The following DSC3 variants were observed in gnomAD, a reference collection of about 807,000 sequenced individuals.
DSC3 encodes the protein desmocollin 3.
A neutral mutation model predicts 89.5 loss-of-function variants in DSC3; 97 were observed. The ratio of observed to expected loss-of-function variants is 1.08; its 90% confidence interval spans 0.92 to 1.28. DSC3 has a LOEUF of 1.28. Among genes scored for constraint, DSC3 ranks in the 50% most tolerant of loss-of-function variants. The pLI is 0.00. For synonymous variants in DSC3, 436 were observed against 384.1 expected, an observed-to-expected ratio of 1.14 and a Z score of -1.58; for missense variants, 1,199 against 1,085.3, an observed-to-expected ratio of 1.10 and a Z score of -1.47.
intron 9 of DSC3, among the ~76,000 whole-genome samples, chr18:31,009,243 G>C (rs1216889554): frequency 7.5e-6 from 1 of 134,022 alleles, no homozygotes; most frequent in Non-Finnish European, 1.6e-5. Flanking sequence ...CTTTAGTAAA[G>C]ATGGGGTTCT....
chr18:31,004,308 A>C lies in DSC3; in HGVS notation c.1947T>G (p.Pro649=). The C allele has an allele frequency of 6.2e-7, 1 of 1,614,062 alleles. No individual in the cohort carries two copies. The change falls in exon 13 of 16, where the codon CCT becomes CCG. Residue 649 remains proline (P), a synonymous_variant. Transcript: ENST00000360428. The part of the protein sequence containing the change: ...KNAGFQEYTI[P]ITVKDRAGQA... Reference sequence around the variant, plus strand: ...GGCCGGCCCTGTCTTTTACAGTAATAGGAATGGTATATTCTTGAAATCCAG... The same window carrying C: ...GGCCGGCCCTGTCTTTTACAGTAATCGGAATGGTATATTCTTGAAATCCAG...
Position 30,994,226 on chromosome 18 carries a change from A to T in DSC3, c.2640T>A (p.Asn880Lys). The part of the protein sequence containing the change: ...KQEEDGLDFL[N>K]NLEPKFITLA... ...ATGTAATAAATTTGGGTTCCAAATT[A>T]TTTAAAAAGTCAAGGCCATCTTCTT... Residue 880 changes from asparagine (N) to lysine (K), a missense_variant, in exon 16 of 16, where the codon AAT becomes AAA. Transcript: ENST00000360428. 1 of 1,614,104 alleles carries T rather than the reference A, an allele frequency of 6.2e-7. No homozygotes were observed. Among genetic ancestry groups the T allele is most frequent in the Non-Finnish European group, 8.5e-7 (1 of 1,179,992 alleles).
intron 6 of DSC3, 146 bp from the exon 7 acceptor site, chr18:31,022,648 A>G (rs1985463861): frequency 2.9e-6 from 3 of 1,025,346 alleles, no homozygotes; most frequent in African/African-American, 1.6e-5. Context: ...TCATCTTTAG[A>G]TAGGACTGAA....
At chr18:31,011,111 TAG>T (rs1985042541) in intron 9 of DSC3, among the ~76,000 whole-genome samples, 1 of 152,200 alleles carries the variant, frequency 6.6e-6, no homozygotes, top group South Asian at 2.1e-4. Context: ...AGCGTATAGT[TAG>T]AGTCAAAGAG....
intron 4 of DSC3, among the ~76,000 whole-genome samples, chr18:31,026,262 A>G (rs1985595853): frequency 7.1e-6 from 1 of 140,870 alleles, no homozygotes; most frequent in Non-Finnish European, 1.6e-5. Context: ...AGCCACTGTG[A>G]TTGGAGTAGA....
chr18:31,032,167 TA>T, intron 2 of DSC3, 24 bp downstream of exon 2: 1 of 1,554,896 alleles, frequency 6.4e-7, no homozygotes, highest in Non-Finnish European at 8.9e-7. Flanking sequence ...ATTTCTGCTT[TA>T]AAAAGACTTT....
Position 30,994,341 on chromosome 18 carries a change from C to G in DSC3, c.2525G>C (p.Arg842Pro). 6.2e-7 allele frequency: 1 copy of G among 1,614,002 alleles called. No homozygotes were observed. The highest frequency in any genetic ancestry group is 8.5e-7 in the Non-Finnish European group (1 of 1,179,946). ...GAGGACATAATCTTGGGATGGCATG[C>G]GGTCTTCATTCTGATTACATCGATG... ...KLHRCNQNEDRMPSQDYVLTY... is the reference protein window; with the variant it reads ...KLHRCNQNEDPMPSQDYVLTY... The change falls in exon 16 of 16, where the codon CGC becomes CCC. Residue 842 changes from arginine (R) to proline (P), a missense_variant. Arg to Pro is a moderately radical substitution (Grantham distance 103). Coordinates refer to ENST00000360428, the MANE Select transcript of DSC3 (RefSeq NM_001941.5).
rs74682819 is a variant in DSC3, at chr18:30,989,367, T to C, written c.*4808A>G. 1.7e-3 allele frequency among the ~76,000 whole-genome samples: 266 copies of C among 152,318 alleles called. No homozygotes were observed. The highest frequency in any genetic ancestry group is 2.7e-3 in the Non-Finnish European group (184 of 68,028). On this transcript the variant is annotated 3_prime_UTR_variant, in exon 16 of 16. Transcript: ENST00000360428. ...GAAGCCAGACACACAAGGCCACATATGTACGATTTCATTTATATGAATGTC... is the reference window on the plus strand; with the variant it reads ...GAAGCCAGACACACAAGGCCACATACGTACGATTTCATTTATATGAATGTC...
At chr18:31,035,203 G>T (rs2144736797) in intron 1 of DSC3, among the ~76,000 whole-genome samples, 1 of 152,054 alleles carries the variant, frequency 6.6e-6, no homozygotes, top group African/African-American at 2.4e-5. Context: ...GTAAATATAT[G>T]TATATACAAA....
intron 1 of DSC3, among the ~76,000 whole-genome samples, chr18:31,039,342 T>G (rs905161446): frequency 2.0e-5 from 3 of 152,094 alleles, no homozygotes; most frequent in African/African-American, 4.8e-5. Flanking sequence ...AATTTTATAG[T>G]AAATACACAA....
intron 14 of DSC3, among the ~76,000 whole-genome samples, chr18:30,999,129 G>C (rs575470582): frequency 1.1e-4 from 17 of 152,200 alleles, no homozygotes; most frequent in Middle Eastern, 3.4e-3. Flanking sequence ...TGGTAACCTC[G>C]ACATGTCAGT....
rs1307773788 is a variant in DSC3, at chr18:31,042,738, G to A, written c.-78C>T. On this transcript the variant is annotated 5_prime_UTR_variant, in exon 1 of 16. Transcript: ENST00000360428. ...CGAGACCTGCCGAGGTGCAGGGCGC[G>A]GGAGGTGCTTTTCTCGCCGCTGCTT... 4.4e-6 allele frequency: 6 copies of A among 1,361,046 alleles called. No individual in the cohort carries two copies. The highest frequency in any genetic ancestry group is 1.5e-5 in the African/African-American group (1 of 68,852). 84.3% of individuals were successfully genotyped at this position (1,361,046 alleles called of 1,614,324 possible).
At chr18:31,040,098 C>T (rs1172227805) in intron 1 of DSC3, among the ~76,000 whole-genome samples, 2 of 151,958 alleles carry the variant, frequency 1.3e-5, no homozygotes, top group African/African-American at 2.4e-5. Flanking sequence ...ATTTGGATGC[C>T]TATTTATCAA....
At chr18:31,025,984 C>T in intron 4 of DSC3, 69 bp from the exon 5 acceptor site, 1 of 1,339,232 alleles carries the variant, frequency 7.5e-7, no homozygotes, top group East Asian at 2.4e-5. Flanking sequence ...TTAAATGCAG[C>T]TGATGTATCT....
intron 4 of DSC3, among the ~76,000 whole-genome samples, 186 bp downstream of exon 4, chr18:31,029,323 T>C (rs144589236): frequency 1.1e-3 from 174 of 152,350 alleles, no homozygotes; most frequent in African/African-American, 3.8e-3. Context: ...GATCATTCAA[T>C]GGCTTTAGGG....
At chr18:31,029,072 T>G (rs2144726921) in intron 4 of DSC3, among the ~76,000 whole-genome samples, 1 of 152,274 alleles carries the variant, frequency 6.6e-6, no homozygotes, top group African/African-American at 2.4e-5. Context: ...ACCTCAGGGT[T>G]TAATGTTCAT....
chr18:31,001,044 TGTG>T (rs1984636613), intron 14 of DSC3, among the ~76,000 whole-genome samples: 1 of 148,040 alleles, frequency 6.8e-6, no homozygotes, highest in East Asian at 2.0e-4. Flanking sequence ...TGTGTATATG[TGTG>T]TGTATATATA....
chr18:31,039,136 T>C (rs868099099), intron 1 of DSC3, among the ~76,000 whole-genome samples: 9 of 152,138 alleles, frequency 5.9e-5, no homozygotes, highest in African/African-American at 2.2e-4. Flanking sequence ...TTAAAGATGA[T>C]AATATAAAGT....
chr18:31,022,390 A>G lies in DSC3; in HGVS notation c.888T>C (p.Ser296=), dbSNP rs1985452044. 1 of 1,614,128 alleles carries G rather than the reference A, an allele frequency of 6.2e-7. No individual in the cohort carries two copies. The highest frequency in any genetic ancestry group is 8.5e-7 in the Non-Finnish European group (1 of 1,179,992). ...QQTPRSPGLF[S]VHPSTGVITT... is the part of the protein sequence containing the mutation. ...TGATTACGCCTGTGCTGGGATGCAC[A>G]GAAAAGAGCCCAGGTGACCTTGGTG... Residue 296 remains serine (S), a synonymous_variant, in exon 7 of 16, where the codon TCT becomes TCC. Coordinates refer to ENST00000360428, the MANE Select transcript of DSC3 (RefSeq NM_001941.5).
Sources: allele counts gnomAD v4.1 joint callset (sites outside exome capture counted in the v4.1 genomes callset), GRCh38; gene constraint gnomAD v4.1.1; transcripts MANE v1.5; gene names NCBI Gene and HGNC (gene_info 2026-07-23, HGNC 2026-07-21).